Variants in IMMP2L observed in about 807,000 individuals in gnomAD.
IMMP2L encodes mitochondrial inner membrane protease subunit 2.
A neutral mutation model predicts 19.3 loss-of-function variants in IMMP2L; 18 were observed. The observed-to-expected ratio is 0.93, with a 90% CI of 0.64 to 1.38. IMMP2L has a LOEUF of 1.38. IMMP2L is among the 40% of genes most tolerant of loss of function. The pLI, the probability that IMMP2L is intolerant of heterozygous loss-of-function variation, is 0.00. For missense variants in IMMP2L, 233 were observed against 218.2 expected (o/e 1.07, Z -0.43); for synonymous variants, 76 against 73.0 (o/e 1.04, Z -0.21).
intron 3 of IMMP2L, among the ~76,000 whole-genome samples, chr7:111,284,078 C>T (rs1211399736): frequency 6.7e-6 from 1 of 149,124 alleles, no homozygotes; most frequent in Admixed American, 6.7e-5. Context: ...GTATATATAA[C>T]AAAAGTTTTT....
intron 3 of IMMP2L, among the ~76,000 whole-genome samples, chr7:111,045,241 T>A (rs1177510407): frequency 6.6e-6 from 1 of 152,160 alleles, no homozygotes; most frequent in Non-Finnish European, 1.5e-5. Flanking sequence ...TTTTTCCATT[T>A]CCCTCACCTG....
chr7:111,402,991 A>ACCCCCCCCCCCCCCCCCCCCCCCC (rs781654530), intron 3 of IMMP2L, among the ~76,000 whole-genome samples: 9 of 45,554 alleles, frequency 2.0e-4, no homozygotes, highest in Non-Finnish European at 2.8e-4. Context: ...TGCAGCCTTG[A>ACCCCCCCCCCCCCCCCCCCCCCCC]CCCCCCCCCC....
intron 5 of IMMP2L, among the ~76,000 whole-genome samples, chr7:110,826,492 G>C (rs1584949677): frequency 6.6e-6 from 1 of 152,134 alleles, no homozygotes. Context: ...ATACACCATG[G>C]AATACTATGC....
intron 4 of IMMP2L, among the ~76,000 whole-genome samples, chr7:110,904,066 C>A (rs1207896636): frequency 1.3e-5 from 2 of 151,878 alleles, no homozygotes; most frequent in Non-Finnish European, 2.9e-5. Flanking sequence ...ATTTTCTGAT[C>A]AAATTTTTTG....
intron 3 of IMMP2L, among the ~76,000 whole-genome samples, chr7:111,192,010 G>A (rs1808932474): frequency 6.6e-6 from 1 of 152,036 alleles, no homozygotes; most frequent in South Asian, 2.1e-4. Context: ...GAAAGGTAAT[G>A]AGAGCAAACA....
chr7:111,290,090 C>G (rs1820924632), intron 3 of IMMP2L, among the ~76,000 whole-genome samples: 1 of 152,172 alleles, frequency 6.6e-6, no homozygotes, highest in Admixed American at 6.5e-5. Context: ...CAGTCTGCCA[C>G]TGCACATAGA....
chr7:111,100,130 C>CT (rs1033359748), intron 3 of IMMP2L, among the ~76,000 whole-genome samples: 2 of 151,296 alleles, frequency 1.3e-5, no homozygotes, highest in Non-Finnish European at 3.0e-5. Flanking sequence ...GCATGTATTT[C>CT]TTTTTTTTAA....
At chr7:111,349,956 A>G (rs1195933180) in intron 3 of IMMP2L, among the ~76,000 whole-genome samples, 1 of 151,746 alleles carries the variant, frequency 6.6e-6, no homozygotes. Flanking sequence ...TTATTTATCA[A>G]AACAAAGATG....
rs117936350 is a variant in IMMP2L, at chr7:111,398,299, C to A, written c.239+88939G>T. The stretch of plus-strand genomic sequence containing the variant: ...CCACCATGATCAAGTGGGTTTCATA[C>A]CAGGGATGCAGGAGTAGTTTAACAT... On this transcript the variant is annotated intron_variant, in intron 3 of 5. Coordinates refer to ENST00000405709, the MANE Select transcript of IMMP2L (RefSeq NM_032549.4). 7.4e-3 allele frequency among the ~76,000 whole-genome samples: 1,129 copies of A among 152,132 alleles called. 18 individuals are homozygous for A. Among genetic ancestry groups the A allele is most frequent in the East Asian group, 0.043 (220 of 5,152 alleles).
intron 5 of IMMP2L, among the ~76,000 whole-genome samples, chr7:110,673,219 C>A (rs955460068): frequency 2.0e-5 from 3 of 152,220 alleles, no homozygotes; most frequent in African/African-American, 7.2e-5. Context: ...GGGCTTGTAC[C>A]CTCCGAAGCA....
At chr7:110,682,272 GC>G (rs1792774573) in intron 5 of IMMP2L, among the ~76,000 whole-genome samples, 1 of 152,064 alleles carries the variant, frequency 6.6e-6, no homozygotes, top group Non-Finnish European at 1.5e-5. Flanking sequence ...GTGCCTACAT[GC>G]CACCTCCTTC....
At chr7:111,005,967 G>GT (rs34140423) in intron 3 of IMMP2L, among the ~76,000 whole-genome samples, 5,364 of 149,528 alleles carry the variant, frequency 0.036, 122 homozygotes, top group South Asian at 0.079. Flanking sequence ...GAAAGGCCAG[G>GT]TTTTTTTTTT....
chr7:111,081,121 T>C (rs1337645146), intron 3 of IMMP2L, among the ~76,000 whole-genome samples: 1 of 152,196 alleles, frequency 6.6e-6, no homozygotes, highest in East Asian at 1.9e-4. Flanking sequence ...TAGGGCCTTT[T>C]TAGTGGTGTT....
intron 5 of IMMP2L, among the ~76,000 whole-genome samples, chr7:110,828,565 G>A (rs888019442): frequency 2.0e-5 from 3 of 152,066 alleles, no homozygotes; most frequent in Non-Finnish European, 2.9e-5. Flanking sequence ...ATTCATTCCA[G>A]CATGGAATAC....
At chr7:110,679,088 A>G (rs766150225) in intron 5 of IMMP2L, among the ~76,000 whole-genome samples, 12 of 152,276 alleles carry the variant, frequency 7.9e-5, no homozygotes, top group Middle Eastern at 3.4e-3. Context: ...AGATAACTAC[A>G]GAATCATGCA....
At chr7:111,338,063 G>C (rs1826627920) in intron 3 of IMMP2L, among the ~76,000 whole-genome samples, 1 of 152,150 alleles carries the variant, frequency 6.6e-6, no homozygotes, top group Non-Finnish European at 1.5e-5. Context: ...AGAACAGAGT[G>C]AGACAAAGGA....
At chr7:111,133,829 ACTCAAAAGC>A (rs1244198299) in intron 3 of IMMP2L, among the ~76,000 whole-genome samples, 1 of 151,966 alleles carries the variant, frequency 6.6e-6, no homozygotes, top group Non-Finnish European at 1.5e-5. Flanking sequence ...AATCACACAT[ACTCAAAAGC>A]CTCATAAGCG....
chr7:110,802,120 A>C (rs1801292615), intron 5 of IMMP2L, among the ~76,000 whole-genome samples: 1 of 152,078 alleles, frequency 6.6e-6, no homozygotes, highest in Non-Finnish European at 1.5e-5. Context: ...AATCCAAGTC[A>C]TTGATCTTGG....
At chr7:111,456,191 C>T (rs1276997551) in intron 3 of IMMP2L, among the ~76,000 whole-genome samples, 1 of 151,848 alleles carries the variant, frequency 6.6e-6, no homozygotes, top group Non-Finnish European at 1.5e-5. Flanking sequence ...CTTGACTGAA[C>T]TAAGGTTATT....
Sources: gnomAD v4.1 joint callset for allele counts (sites outside exome capture counted in the v4.1 genomes callset) on GRCh38, gnomAD v4.1.1 for gene constraint, MANE v1.5 for transcripts, NCBI Gene and HGNC (gene_info 2026-07-23, HGNC 2026-07-21) for gene names.